GPATCH2: variants seen among roughly 807,000 people sequenced by gnomAD.
The protein encoded by GPATCH2 is G-patch domain containing 2, also known as G patch domain-containing protein 2.
GPATCH2 carries 51 observed loss-of-function variants against 58.0 expected under a neutral mutation model. The ratio of observed to expected loss-of-function variants is 0.88; its 90% confidence interval spans 0.70 to 1.11. The LOEUF (loss-of-function observed/expected upper bound fraction) is 1.11, where lower values mean the gene tolerates loss of function less well. GPATCH2 is among the 50% of genes most tolerant of loss of function. GPATCH2 has a pLI of 0.00. For synonymous variants in GPATCH2, 222 were observed against 218.5 expected, an observed-to-expected ratio of 1.02 and a Z score of -0.14; for missense variants, 625 against 652.2, an observed-to-expected ratio of 0.96 and a Z score of 0.45.
At chr1:217,454,451 T>A (rs549024767) in intron 8 of GPATCH2, among the ~76,000 whole-genome samples, 10 of 151,388 alleles carry the variant, frequency 6.6e-5, no homozygotes, top group Non-Finnish European at 1.5e-4. Context: ...TAGCCGGGCG[T>A]GGTGGTGGGC....
chr1:217,442,043 G>C (rs925635765), intron 9 of GPATCH2, among the ~76,000 whole-genome samples: 4 of 152,134 alleles, frequency 2.6e-5, no homozygotes, highest in African/African-American at 7.2e-5. Flanking sequence ...ACATGCACAT[G>C]TATGTTTATT....
chr1:217,492,311 T>C (rs1178464469), intron 7 of GPATCH2, among the ~76,000 whole-genome samples: 1 of 152,084 alleles, frequency 6.6e-6, no homozygotes, highest in Non-Finnish European at 1.5e-5. Context: ...AAATATATAA[T>C]TAGAAAAAAA....
intron 5 of GPATCH2, among the ~76,000 whole-genome samples, chr1:217,551,667 T>C (rs1276460200): frequency 6.6e-6 from 1 of 152,156 alleles, no homozygotes; most frequent in Non-Finnish European, 1.5e-5. Context: ...GTTGTGTTTG[T>C]TGTATCTGAA....
intron 5 of GPATCH2, among the ~76,000 whole-genome samples, chr1:217,523,139 A>T (rs1663557345): frequency 1.3e-5 from 2 of 151,780 alleles, no homozygotes; most frequent in Admixed American, 6.5e-5. Context: ...TCAATTCAGT[A>T]TTCATAATAG....
intron 9 of GPATCH2, among the ~76,000 whole-genome samples, chr1:217,443,652 G>T (rs1266685750): frequency 6.6e-6 from 1 of 151,938 alleles, no homozygotes; most frequent in Non-Finnish European, 1.5e-5. Context: ...ATTGGACATA[G>T]GTTGAACTTC....
intron 9 of GPATCH2, among the ~76,000 whole-genome samples, chr1:217,436,800 G>A (rs1658855779): frequency 1.3e-5 from 2 of 152,082 alleles, no homozygotes; most frequent in South Asian, 2.1e-4. Context: ...TCAGCTGCCC[G>A]AAGTCAATTA....
intron 7 of GPATCH2, among the ~76,000 whole-genome samples, chr1:217,496,185 A>G (rs1368700765): frequency 6.6e-6 from 1 of 152,206 alleles, no homozygotes; most frequent in African/African-American, 2.4e-5. Flanking sequence ...TGTATTGTAC[A>G]TATACATACA....
At chr1:217,624,214 T>A (rs573191684) in intron 1 of GPATCH2, among the ~76,000 whole-genome samples, 1 of 152,066 alleles carries the variant, frequency 6.6e-6, no homozygotes, top group East Asian at 1.9e-4. Flanking sequence ...TTCACTAACA[T>A]CCCTCAGTTA....
chr1:217,467,669 T>C (rs1660524786), intron 8 of GPATCH2, among the ~76,000 whole-genome samples: 2 of 151,900 alleles, frequency 1.3e-5, no homozygotes, highest in Non-Finnish European at 2.9e-5. Context: ...GAACTGGAAC[T>C]ATCAGTATGA....
intron 5 of GPATCH2, among the ~76,000 whole-genome samples, chr1:217,541,148 CT>C (rs1376937606): frequency 6.6e-6 from 1 of 152,134 alleles, no homozygotes; most frequent in Non-Finnish European, 1.5e-5. Context: ...CCGTGAGCTC[CT>C]TTTGACAGAG....
At chr1:217,446,983 AG>A (rs1440783059) in intron 9 of GPATCH2, among the ~76,000 whole-genome samples, 1 of 152,176 alleles carries the variant, frequency 6.6e-6, no homozygotes, top group African/African-American at 2.4e-5. Flanking sequence ...GCTGCCACTA[AG>A]GTGCTTTAGT....
intron 2 of GPATCH2, among the ~76,000 whole-genome samples, chr1:217,618,228 T>C (rs1227054452): frequency 6.6e-6 from 1 of 151,014 alleles, no homozygotes; most frequent in Non-Finnish European, 1.5e-5. Context: ...AAACTTTTTT[T>C]TTTTTTTTTT....
intron 5 of GPATCH2, among the ~76,000 whole-genome samples, chr1:217,565,856 G>C (rs4411185): frequency 0.4 from 60,171 of 151,906 alleles, 14,024 homozygotes; most frequent in East Asian, 0.75. Flanking sequence ...AATCCCAGCA[G>C]TTTGGGAGGC....
At chr1:217,595,255 T>A (rs1001264446) in intron 5 of GPATCH2, among the ~76,000 whole-genome samples, 7 of 152,138 alleles carry the variant, frequency 4.6e-5, no homozygotes, top group Non-Finnish European at 8.8e-5. Flanking sequence ...AAGAGTAAAC[T>A]AAGGATTCAA....
intron 8 of GPATCH2, among the ~76,000 whole-genome samples, chr1:217,484,071 A>G (rs1259500853): frequency 6.6e-6 from 1 of 152,180 alleles, no homozygotes; most frequent in Admixed American, 6.6e-5. Flanking sequence ...ACTTTTAACC[A>G]ACATACCAAG....
rs528242829 is a variant in GPATCH2, at chr1:217,527,600, A to C, written c.1099-12711T>G. On this transcript the variant is annotated intron_variant, in intron 5 of 9. Coordinates refer to ENST00000366935, the MANE Select transcript of GPATCH2 (RefSeq NM_018040.5). Reference sequence around the variant, plus strand: ...TTCTATGTCAGGAGGGAAACAAACAAAACAAAACAAAACAAAACAAAACCC... The same window carrying C: ...TTCTATGTCAGGAGGGAAACAAACACAACAAAACAAAACAAAACAAAACCC... Among the ~76,000 whole-genome samples the C allele has an allele frequency of 2.0e-5, 3 of 151,796 alleles. No individual in the cohort carries two copies. In the South Asian group the frequency reaches 6.3e-4, roughly 32 times the overall value.
At chr1:217,569,953 T>C (rs1050457777) in intron 5 of GPATCH2, among the ~76,000 whole-genome samples, 2 of 152,164 alleles carry the variant, frequency 1.3e-5, no homozygotes, top group African/African-American at 4.8e-5. Context: ...AATTCACTAT[T>C]TGGAGGGTTG....
chr1:217,602,544 TG>T (rs1317554213), intron 5 of GPATCH2, among the ~76,000 whole-genome samples: 1 of 152,180 alleles, frequency 6.6e-6, no homozygotes, highest in African/African-American at 2.4e-5. Context: ...AATAGCAATG[TG>T]ACAGCTATGA....
rs117165588 is a variant in GPATCH2 at position 217,539,720 on chromosome 1, C to T, written c.1099-24831G>A. ...ATCTGAAACAAGGCAATTTGCAGCT[C>T]TGTATGTGTGGCTGGCAATAAAAAT... is the stretch of plus-strand genomic sequence containing the variant. On this transcript the variant is annotated intron_variant, in intron 5 of 9. Coordinates refer to ENST00000366935, the MANE Select transcript of GPATCH2 (RefSeq NM_018040.5). Among the ~76,000 whole-genome samples the T allele has an allele frequency of 1.4e-4, 21 of 152,178 alleles. No individual in the cohort carries two copies. In the East Asian group the frequency reaches 4.1e-3, roughly 29 times the overall value.
Sources: allele counts gnomAD v4.1 joint callset (sites outside exome capture counted in the v4.1 genomes callset), GRCh38; gene constraint gnomAD v4.1.1; transcripts MANE v1.5; gene names NCBI Gene and HGNC (gene_info 2026-07-23, HGNC 2026-07-21).